The following YAP1 variants were observed in gnomAD, a reference collection of about 807,000 sequenced individuals.
The protein encoded by YAP1 is transcriptional coactivator YAP1.
YAP1 carries 5 observed loss-of-function variants against 56.9 expected under a neutral mutation model. The observed-to-expected ratio is 0.09, with a 90% CI of 0.05 to 0.18. YAP1 has a LOEUF of 0.18. Among genes scored for constraint, YAP1 ranks in the 10% least tolerant of loss-of-function variants. YAP1 has a pLI of 1.00. For missense variants in YAP1, 539 were observed against 651.8 expected (o/e 0.83, Z 1.88); for synonymous variants, 265 against 248.1 (o/e 1.07, Z -0.64).
In YAP1 at chr11:102,110,700, G is replaced by C. The variant is rs1426790691; in HGVS notation, c.-149G>C. Reference sequence around the variant, plus strand: ...GCCGGGGCGGGGGATGCGGGGCCGCGGCGCAGCCCCCCGGCCCTGAGAGCG... The same window carrying C: ...GCCGGGGCGGGGGATGCGGGGCCGCCGCGCAGCCCCCCGGCCCTGAGAGCG... On this transcript the variant is annotated 5_prime_UTR_variant, in exon 1 of 9. Transcript: ENST00000282441. 1 of 627,724 alleles carries C rather than the reference G, an allele frequency of 1.6e-6. No individual in the cohort carries two copies. The highest frequency in any genetic ancestry group is 2.2e-6 in the Non-Finnish European group (1 of 463,124). The allele number at this position is 627,724 out of a possible 1,614,324, so 38.9% of individuals were successfully genotyped here.
At chr11:102,218,501 T>G (rs1157228378) in intron 6 of YAP1, among the ~76,000 whole-genome samples, 1 of 152,248 alleles carries the variant, frequency 6.6e-6, no homozygotes, top group Non-Finnish European at 1.5e-5. Flanking sequence ...AATATTTCGA[T>G]CCATACTTGG....
At chr11:102,142,152 T>TA (rs1945060160) in intron 2 of YAP1, among the ~76,000 whole-genome samples, 1 of 152,206 alleles carries the variant, frequency 6.6e-6, no homozygotes, top group Non-Finnish European at 1.5e-5. Context: ...GGATTTTTCT[T>TA]ACTGTTACTT....
intron 2 of YAP1, among the ~76,000 whole-genome samples, chr11:102,141,364 T>G (rs1668553647): frequency 1.3e-5 from 2 of 152,212 alleles, no homozygotes. Context: ...GGTGTCTTTA[T>G]AAAGCTTCAG....
intron 4 of YAP1, among the ~76,000 whole-genome samples, chr11:102,205,175 T>A (rs1050162207): frequency 6.6e-6 from 1 of 151,610 alleles, no homozygotes; most frequent in African/African-American, 2.4e-5. Context: ...TTTTACTACC[T>A]AGGCTTTGTG....
intron 5 of YAP1, among the ~76,000 whole-genome samples, chr11:102,206,464 G>T (rs942914521): frequency 7.9e-5 from 12 of 152,304 alleles, no homozygotes; most frequent in Admixed American, 3.3e-4. Context: ...AATAACTTAC[G>T]TGGCGGGATA....
rs1565287306 is a variant in YAP1, at chr11:102,223,688, T to C, written c.1099T>C (p.Ser367Pro). 6.2e-7 allele frequency: 1 copy of C among 1,614,112 alleles called. No homozygotes were observed. Among genetic ancestry groups the C allele is most frequent in the South Asian group, 1.1e-5 (1 of 91,076 alleles). The change falls in exon 7 of 9, where the codon TCT becomes CCT. Residue 367 changes from serine to proline, a missense_variant. Coordinates refer to ENST00000282441, the MANE Select transcript of YAP1 (RefSeq NM_001130145.3). Reference protein sequence around the residue: ...QDGGTQNPVSSPGMSQELRTM... With the variant: ...QDGGTQNPVSPPGMSQELRTM... ...TGGTGGGACTCAAAATCCAGTGTCT[T>C]CTCCCGGGATGTCTCAGGAATTGAG...
intron 6 of YAP1, among the ~76,000 whole-genome samples, chr11:102,219,459 A>G (rs1949817468): frequency 6.6e-6 from 1 of 152,150 alleles, no homozygotes; most frequent in African/African-American, 2.4e-5. Context: ...TAGTGCCTTC[A>G]CCAGGTCTTA....
chr11:102,232,191 G>A lies in YAP1; in HGVS notation c.*2251G>A, dbSNP rs1235170960. 7.2e-6 allele frequency: 1 copy of A among 138,956 alleles called. No individual in the cohort carries two copies. The highest frequency in any genetic ancestry group is 1.5e-5 in the Non-Finnish European group (1 of 66,396). 8.6% of individuals were successfully genotyped at this position (138,956 alleles called of 1,614,324 possible). A position where few individuals can be genotyped will look rare whatever the true frequency, so the allele number is the denominator to read the frequency against. On this transcript the variant is annotated 3_prime_UTR_variant, in exon 9 of 9. Transcript: ENST00000282441. ...AAGATCAAAGCTACTTGGAAGGAGT[G>A]CCTATAATTTGCCAGTAGCCACAGA...
Position 102,111,555 on chromosome 11 carries a change from TGC to T in YAP1, c.321+393_321+394del, listed in dbSNP as rs1491148277. Among the ~76,000 whole-genome samples, 8 of 145,540 alleles carry T rather than the reference TGC, an allele frequency of 5.5e-5. No homozygotes were observed. In the East Asian group the frequency reaches 1.5e-3, roughly 27 times the overall value. On this transcript the variant is annotated intron_variant, in intron 1 of 8. Transcript: ENST00000282441. ...CCTGGGCCGCGGTGGGCTTGCACAA[TGC>T]GCGCGCCTCCGCGCGCTCCGCACCT...
chr11:102,174,794 G>C (rs1485619234), intron 3 of YAP1, among the ~76,000 whole-genome samples: 3 of 152,152 alleles, frequency 2.0e-5, no homozygotes, highest in African/African-American at 2.4e-5. Context: ...AGAAGAGAAG[G>C]ATGCAGGCAA....
intron 1 of YAP1, among the ~76,000 whole-genome samples, chr11:102,113,810 C>T (rs751730307): frequency 6.6e-6 from 1 of 152,112 alleles, no homozygotes; most frequent in Non-Finnish European, 1.5e-5. Context: ...GCACTGACCT[C>T]TTAAAAATTA....
At chr11:102,115,707 G>A (rs1199289430) in intron 2 of YAP1, among the ~76,000 whole-genome samples, 1 of 152,042 alleles carries the variant, frequency 6.6e-6, no homozygotes, top group African/African-American at 2.4e-5. Context: ...ACACAAGTCT[G>A]GCAAACTCAT....
rs368895891 is a variant in YAP1, at chr11:102,172,475, C to CTTTTTTTTT, written c.688+9904_688+9905insTTTTTTTTT. Among the ~76,000 whole-genome samples, 2 of 106,216 alleles carry CTTTTTTTTT rather than the reference C, an allele frequency of 1.9e-5. 1 individual carries two copies. Among genetic ancestry groups the CTTTTTTTTT allele is most frequent in the Non-Finnish European group, 3.8e-5 (2 of 53,230 alleles). The allele number at this position is 106,216 out of a possible 152,430, so 69.7% of individuals were successfully genotyped here. A position where few individuals can be genotyped will look rare whatever the true frequency, so the allele number is the denominator to read the frequency against. ...TACAGGCATACGGCACCATGCACAG[C>CTTTTTTTTT]GTTTTTTTTTTTTTTTTTTTGGTAG... On this transcript the variant is annotated intron_variant, in intron 3 of 8. Transcript: ENST00000282441.
At chr11:102,159,282 G>A (rs1232338688) in intron 2 of YAP1, among the ~76,000 whole-genome samples, 2 of 152,136 alleles carry the variant, frequency 1.3e-5, no homozygotes, top group African/African-American at 4.8e-5. Flanking sequence ...TACCCAGGGC[G>A]CAGTGCTCAG....
intron 4 of YAP1, among the ~76,000 whole-genome samples, chr11:102,199,464 C>T (rs1345147295): frequency 6.6e-6 from 1 of 152,084 alleles, no homozygotes; most frequent in Non-Finnish European, 1.5e-5. Flanking sequence ...TAAACTATAA[C>T]CTATAAGGAT....
intron 4 of YAP1, among the ~76,000 whole-genome samples, chr11:102,200,914 A>G (rs1303716495): frequency 1.3e-5 from 2 of 152,184 alleles, no homozygotes; most frequent in African/African-American, 4.8e-5. Flanking sequence ...ATGGGCAGAA[A>G]CCCAAAATTG....
At chr11:102,222,966 C>T (rs796952347) in intron 6 of YAP1, among the ~76,000 whole-genome samples, 10 of 151,470 alleles carry the variant, frequency 6.6e-5, no homozygotes, top group Non-Finnish European at 2.9e-5. Context: ...TTTTTAGGGC[C>T]GGGCGCGGTG....
chr11:102,122,267 G>GA (rs1028744282), intron 2 of YAP1, among the ~76,000 whole-genome samples: 1 of 150,444 alleles, frequency 6.6e-6, no homozygotes, highest in South Asian at 2.1e-4. Context: ...AAAATAGAAG[G>GA]AAAAAAAATG....
At chr11:102,223,841 C>T (rs907577649) in intron 7 of YAP1, 89 bp downstream of exon 7, 1 of 1,524,552 alleles carries the variant, frequency 6.6e-7, no homozygotes, top group African/African-American at 1.4e-5. Context: ...CTATTTGGAA[C>T]ATCTGTGTGG....
Sources: allele counts gnomAD v4.1 joint callset (sites outside exome capture counted in the v4.1 genomes callset), GRCh38; gene constraint gnomAD v4.1.1; transcripts MANE v1.5; gene names NCBI Gene and HGNC (gene_info 2026-07-23, HGNC 2026-07-21).